The following RASA2 variants were observed in gnomAD, a reference collection of about 807,000 sequenced individuals.
RASA2 encodes the protein RAS p21 protein activator 2.
RASA2 carries 155 observed loss-of-function variants against 118.2 expected under a neutral mutation model. The ratio of observed to expected loss-of-function variants is 1.31; its 90% confidence interval spans 1.15 to 1.50. The LOEUF (loss-of-function observed/expected upper bound fraction) is 1.50. Among genes scored for constraint, RASA2 ranks in the 40% most tolerant of loss-of-function variants. The pLI is 0.00. For missense variants in RASA2, 1,016 were observed against 1,009.6 expected, an observed-to-expected ratio of 1.01 and a Z score of -0.09; for synonymous variants, 353 against 349.1, an observed-to-expected ratio of 1.01 and a Z score of -0.12.
At chr3:141,500,785 A>T (rs1015814621) in intron 1 of RASA2, among the ~76,000 whole-genome samples, 2 of 152,234 alleles carry the variant, frequency 1.3e-5, no homozygotes, top group African/African-American at 4.8e-5. Context: ...ATAAGTGTTA[A>T]TATCTGAAAG....
At chr3:141,608,784 G>C in intron 21 of RASA2, 87 bp downstream of exon 21, 1 of 1,389,356 alleles carries the variant, frequency 7.2e-7, no homozygotes, top group Non-Finnish European at 1.0e-6. Flanking sequence ...GAAAAGGAAT[G>C]ACATACTGAT....
intron 3 of RASA2, among the ~76,000 whole-genome samples, chr3:141,527,790 T>A (rs2082204903): frequency 6.6e-6 from 1 of 152,030 alleles, no homozygotes; most frequent in Admixed American, 6.6e-5. Flanking sequence ...AACATTTGAG[T>A]ATTCCAGTTA....
rs188924535 is a variant in RASA2, at chr3:141,562,948, G to A, written c.863+2953G>A. Among the ~76,000 whole-genome samples, 15 of 152,316 alleles carry A rather than the reference G, an allele frequency of 9.8e-5. No homozygotes were observed. The East Asian group carries it at 2.9e-3, about 29-fold the overall frequency. On this transcript the variant is annotated intron_variant, in intron 9 of 23. Transcript: ENST00000286364. ...GGCCTCCCAAAGTGCTGGGATTACA[G>A]GCGTGAGCCACCGCACCTGGCCCAC...
intron 1 of RASA2, among the ~76,000 whole-genome samples, chr3:141,508,677 C>G (rs943183648): frequency 1.3e-5 from 2 of 152,178 alleles, no homozygotes; most frequent in African/African-American, 2.4e-5. Context: ...TGCGCCCAGC[C>G]TGTTAGTGTT....
chr3:141,552,258 A>G (rs2151112547), intron 5 of RASA2, among the ~76,000 whole-genome samples: 1 of 152,208 alleles, frequency 6.6e-6, no homozygotes, highest in Non-Finnish European at 1.5e-5. Context: ...TCTGTCATTA[A>G]GGTTTCTCAT....
intron 13 of RASA2, among the ~76,000 whole-genome samples, chr3:141,573,460 T>C (rs2082956720): frequency 6.6e-6 from 1 of 152,340 alleles, no homozygotes; most frequent in East Asian, 1.9e-4. Context: ...GTAACAATAG[T>C]GAACTTAAGC....
chr3:141,513,100 G>A (rs2081976594), intron 2 of RASA2, among the ~76,000 whole-genome samples: 2 of 150,056 alleles, frequency 1.3e-5, no homozygotes, highest in Non-Finnish European at 1.5e-5. Flanking sequence ...GAAAAACAGG[G>A]TGTGGGGTAT....
chr3:141,544,332 A>G (rs1056425922), intron 5 of RASA2, among the ~76,000 whole-genome samples: 6 of 152,052 alleles, frequency 3.9e-5, no homozygotes, highest in Non-Finnish European at 7.4e-5. Flanking sequence ...TCTTCTATTA[A>G]TTCTTTATCA....
At chr3:141,568,301 A>T (rs1461955678) in intron 9 of RASA2, among the ~76,000 whole-genome samples, 1 of 152,136 alleles carries the variant, frequency 6.6e-6, no homozygotes, top group African/African-American at 2.4e-5. Context: ...AGAATATGAT[A>T]ACATTTTTGT....
chr3:141,537,824 A>T (rs2082349935), intron 4 of RASA2, among the ~76,000 whole-genome samples: 1 of 152,156 alleles, frequency 6.6e-6, no homozygotes, highest in Non-Finnish European at 1.5e-5. Context: ...CGTCTCTTGT[A>T]AGTCCACTGC....
intron 3 of RASA2, among the ~76,000 whole-genome samples, chr3:141,526,602 C>G (rs1407073226): frequency 6.6e-6 from 1 of 152,076 alleles, no homozygotes; most frequent in African/African-American, 2.4e-5. Context: ...TCTTAATTTT[C>G]CTGTGCCATT....
intron 5 of RASA2, among the ~76,000 whole-genome samples, chr3:141,547,884 A>G (rs927207904): frequency 7.2e-5 from 11 of 152,032 alleles, no homozygotes; most frequent in Admixed American, 2.0e-4. Context: ...TGAGGGTTTT[A>G]TTATTATGAA....
intron 13 of RASA2, 142 bp from the exon 14 acceptor site, chr3:141,573,802 T>C (rs2082962241): frequency 1.7e-6 from 1 of 595,786 alleles, no homozygotes; most frequent in South Asian, 6.7e-5. Flanking sequence ...CTGAATGAGT[T>C]TGGAAAAGGG....
rs187867398 is a variant in RASA2, at chr3:141,581,918, G to A, written c.1752+741G>A. 6.6e-5 allele frequency among the ~76,000 whole-genome samples: 10 copies of A among 152,158 alleles called. No individual in the cohort carries two copies. The East Asian group carries it at 1.7e-3, about 26-fold the overall frequency. On this transcript the variant is annotated intron_variant, in intron 17 of 23. Transcript: ENST00000286364. ...TCCTGAATCATCTAAACAAAATATA[G>A]CATTATCGTAAAATGCTGAAAATTT... is the stretch of plus-strand genomic sequence containing the variant.
chr3:141,609,590 G>A, intron 22 of RASA2, 67 bp downstream of exon 22: 1 of 1,254,840 alleles, frequency 8.0e-7, no homozygotes, highest in Non-Finnish European at 1.1e-6. Flanking sequence ...TATTGCTTTA[G>A]CATTATACAA....
chr3:141,609,206 T>A (rs2083596925), intron 21 of RASA2, among the ~76,000 whole-genome samples: 1 of 152,212 alleles, frequency 6.6e-6, no homozygotes, highest in Non-Finnish European at 1.5e-5. Flanking sequence ...GAAATGATTT[T>A]ACTTTAAAAT....
intron 7 of RASA2, among the ~76,000 whole-genome samples, chr3:141,558,412 G>C (rs1560031032): frequency 6.6e-6 from 1 of 152,200 alleles, no homozygotes; most frequent in Non-Finnish European, 1.5e-5. Context: ...AGGAGATACA[G>C]TTGTATGATC....
intron 17 of RASA2, 49 bp from the exon 18 acceptor site, chr3:141,585,976 A>G (rs751134937): frequency 2.3e-5 from 34 of 1,457,254 alleles, no homozygotes; most frequent in South Asian, 1.1e-4. Context: ...TGAATTTTTT[A>G]TAATGTACCT....
chr3:141,600,521 C>T (rs1326267159), intron 19 of RASA2: 2 of 305,164 alleles, frequency 6.6e-6, no homozygotes, highest in Non-Finnish European at 1.3e-5. Context: ...GCCATGTCAT[C>T]GTAGTGCTCT....
Sources: allele counts gnomAD v4.1 joint callset (sites outside exome capture counted in the v4.1 genomes callset), GRCh38; gene constraint gnomAD v4.1.1; transcripts MANE v1.5; gene names NCBI Gene and HGNC (gene_info 2026-07-23, HGNC 2026-07-21).